The following ZFHX4 variants were observed in gnomAD, a reference collection of about 807,000 sequenced individuals.
ZFHX4 encodes zinc finger homeobox protein 4.
In ZFHX4, 56 loss-of-function variants were observed where a neutral mutation model predicts 267.6. The ratio of observed to expected loss-of-function variants is 0.21; its 90% CI spans 0.17 to 0.26. ZFHX4 has a LOEUF of 0.26. Among genes scored for constraint, ZFHX4 ranks in the 10% least tolerant of loss-of-function variants. The pLI is 1.00. For missense variants in ZFHX4, 4,332 were observed against 4,420.0 expected (o/e 0.98, Z 0.56); for synonymous variants, 1,778 against 1,665.6 (o/e 1.07, Z -1.64).
At chr8:76,809,904 T>A (rs190679515) in intron 4 of ZFHX4, among the ~76,000 whole-genome samples, 45 of 152,266 alleles carry the variant, frequency 3.0e-4, no homozygotes, top group Non-Finnish European at 4.9e-4. Flanking sequence ...AAGTAAAAAA[T>A]ACAGCATAAT....
At chr8:76,712,656 T>C (rs1808457188) in intron 3 of ZFHX4, among the ~76,000 whole-genome samples, 1 of 152,164 alleles carries the variant, frequency 6.6e-6, no homozygotes, top group Non-Finnish European at 1.5e-5. Flanking sequence ...CCAAAACAAG[T>C]TTTTCTTAAT....
rs540914961 is a variant in ZFHX4 at position 76,855,852 on chromosome 8, C to T, written c.8931C>T (p.Phe2977=). The T allele has an allele frequency of 1.9e-5, 31 of 1,613,800 alleles. No individual in the cohort carries two copies. The East Asian group carries it at 5.8e-4, about 30-fold the overall frequency. Residue 2977 remains phenylalanine (F), a synonymous_variant, in exon 10 of 11, where the codon TTC becomes TTT. Transcript: ENST00000651372. ...CCAAACGCGTAGTCCAGGTGTGGTTCCAAAATGCAAGGGCAAAGGAAAAGA... is the reference window on the plus strand; with the variant it reads ...CCAAACGCGTAGTCCAGGTGTGGTTTCAAAATGCAAGGGCAAAGGAAAAGA... ...GLPKRVVQVW[F]QNARAKEKKF...
At chr8:76,802,085 A>G (rs535267896) in intron 4 of ZFHX4, among the ~76,000 whole-genome samples, 2 of 152,302 alleles carry the variant, frequency 1.3e-5, no homozygotes, top group Admixed American at 1.3e-4. Context: ...AGATTTAGGC[A>G]TGCATAGAAT....
In ZFHX4 at chr8:76,788,406, G is replaced by A. The variant is rs910548117; in HGVS notation, c.3325+9967G>A. 2.6e-5 allele frequency among the ~76,000 whole-genome samples: 4 copies of A among 152,156 alleles called. No individual in the cohort carries two copies. The South Asian group carries it at 8.3e-4, about 31-fold the overall frequency. On this transcript the variant is annotated intron_variant, in intron 4 of 10. Coordinates refer to ENST00000651372, the MANE Select transcript of ZFHX4 (RefSeq NM_024721.5). ...AGTACTTACTGTATTGTAGAACTTA[G>A]CATTCAGTTACATATTGAATTTTAT...
chr8:76,731,304 G>C (rs899123124), intron 3 of ZFHX4, among the ~76,000 whole-genome samples: 2 of 152,168 alleles, frequency 1.3e-5, no homozygotes, highest in African/African-American at 4.8e-5. Context: ...CTAAAAGAGA[G>C]TACAGTTAGT....
chr8:76,748,687 C>T (rs187541896), intron 3 of ZFHX4, among the ~76,000 whole-genome samples: 60 of 152,240 alleles, frequency 3.9e-4, no homozygotes, highest in Non-Finnish European at 4.9e-4. Flanking sequence ...CCTCCTGCCT[C>T]GGCCTCTCAA....
chr8:76,689,812 T>C (rs2131581657), intron 1 of ZFHX4, among the ~76,000 whole-genome samples: 1 of 152,232 alleles, frequency 6.6e-6, no homozygotes, highest in African/African-American at 2.4e-5. Flanking sequence ...ATATTTGAGT[T>C]TATGCACTGG....
intron 4 of ZFHX4, among the ~76,000 whole-genome samples, chr8:76,824,977 A>T (rs1159914178): frequency 6.6e-6 from 1 of 152,204 alleles, no homozygotes; most frequent in Non-Finnish European, 1.5e-5. Flanking sequence ...AATAACTTTT[A>T]AACTACAATG....
Position 76,865,737 on chromosome 8 carries a change from A to T in ZFHX4, c.*1172A>T, listed in dbSNP as rs1217537892. The T allele has an allele frequency of 2.0e-5, 3 of 152,628 alleles. No individual in the cohort carries two copies. Among genetic ancestry groups the T allele is most frequent in the Non-Finnish European group, 4.4e-5 (3 of 68,030 alleles). The allele number at this position is 152,628 out of a possible 1,614,324, so 9.5% of individuals were successfully genotyped here. A position where few individuals can be genotyped will look rare whatever the true frequency, so the allele number is the denominator to read the frequency against. On this transcript the variant is annotated 3_prime_UTR_variant, in exon 11 of 11. Coordinates refer to ENST00000651372, the MANE Select transcript of ZFHX4 (RefSeq NM_024721.5). The stretch of plus-strand genomic sequence containing the variant: ...AAAGGGGACTAAAAATTTGTTTTGT[A>T]TAAAGAGGTTAGCCCTGCGCACGTA...
At chr8:76,762,251 G>A (rs187457716) in intron 3 of ZFHX4, among the ~76,000 whole-genome samples, 14 of 152,100 alleles carry the variant, frequency 9.2e-5, no homozygotes, top group Admixed American at 4.6e-4. Context: ...ATGAAGTCAG[G>A]AGAAAAGAAA....
At chr8:76,803,421 G>A (rs1436003995) in intron 4 of ZFHX4, among the ~76,000 whole-genome samples, 2 of 151,936 alleles carry the variant, frequency 1.3e-5, no homozygotes, top group Admixed American at 1.3e-4. Context: ...ATATAATTAA[G>A]AAAAGTAACT....
At chr8:76,777,045 C>T (rs1299415559) in intron 3 of ZFHX4, among the ~76,000 whole-genome samples, 1 of 151,080 alleles carries the variant, frequency 6.6e-6, no homozygotes, top group Non-Finnish European at 1.5e-5. Context: ...CAAATAAATA[C>T]CACCTGTGCC....
At chr8:76,737,520 G>T (rs1809196820) in intron 3 of ZFHX4, among the ~76,000 whole-genome samples, 1 of 152,162 alleles carries the variant, frequency 6.6e-6, no homozygotes, top group Non-Finnish European at 1.5e-5. Context: ...TGGAGTCAGA[G>T]AAACTTGCAT....
At chr8:76,728,623 C>G (rs1052689078) in intron 3 of ZFHX4, among the ~76,000 whole-genome samples, 3 of 152,072 alleles carry the variant, frequency 2.0e-5, no homozygotes, top group Non-Finnish European at 4.4e-5. Context: ...AAGAACCGGC[C>G]TTTATCATGG....
chr8:76,777,212 A>G (rs982731211), intron 3 of ZFHX4, among the ~76,000 whole-genome samples: 1 of 152,204 alleles, frequency 6.6e-6, no homozygotes, highest in African/African-American at 2.4e-5. Context: ...AACTACCCCA[A>G]TTAAAATGGG....
intron 3 of ZFHX4, among the ~76,000 whole-genome samples, chr8:76,764,544 G>A (rs1333839046): frequency 6.6e-6 from 1 of 152,158 alleles, no homozygotes; most frequent in East Asian, 1.9e-4. Context: ...GGTCTTGATA[G>A]ATTTAAGCAA....
At chr8:76,859,281 C>T (rs1391992981) in intron 10 of ZFHX4, among the ~76,000 whole-genome samples, 1 of 152,150 alleles carries the variant, frequency 6.6e-6, no homozygotes, top group Non-Finnish European at 1.5e-5. Flanking sequence ...GCTTCCTAAA[C>T]AGTGGCCAGC....
At chr8:76,739,065 C>T (rs1039222361) in intron 3 of ZFHX4, among the ~76,000 whole-genome samples, 1 of 152,084 alleles carries the variant, frequency 6.6e-6, no homozygotes, top group Admixed American at 6.6e-5. Context: ...GCAGCTTATG[C>T]AGGAACCATG....
chr8:76,847,097 C>A (rs1432271396), intron 6 of ZFHX4, among the ~76,000 whole-genome samples: 2 of 152,076 alleles, frequency 1.3e-5, no homozygotes, highest in Non-Finnish European at 2.9e-5. Context: ...ATTTAAATGG[C>A]AATGATTTTA....
Sources: gnomAD v4.1 joint callset for allele counts (sites outside exome capture counted in the v4.1 genomes callset) on GRCh38, gnomAD v4.1.1 for gene constraint, MANE v1.5 for transcripts, NCBI Gene and HGNC (gene_info 2026-07-23, HGNC 2026-07-21) for gene names.